Variants in CD22 observed in about 807,000 individuals in gnomAD.
CD22 encodes CD22 molecule.
Under a neutral mutation model 94.7 loss-of-function variants are expected in CD22, and 51 were observed. The ratio of observed to expected loss-of-function variants is 0.54; its 90% CI spans 0.43 to 0.68. The LOEUF (loss-of-function observed/expected upper bound fraction) is 0.68, where lower values mean the gene tolerates loss of function less well. Among genes scored for constraint, CD22 ranks in the 30% least tolerant of loss-of-function variants. CD22 has a pLI of 0.00. For synonymous variants in CD22, 424 were observed against 422.5 expected, an observed-to-expected ratio of 1.00 and a Z score of -0.04; for missense variants, 931 against 1,060.4, an observed-to-expected ratio of 0.88 and a Z score of 1.69.
chr19:35,340,336 G>A (rs2066788618), intron 6 of CD22, among the ~76,000 whole-genome samples: 2 of 152,118 alleles, frequency 1.3e-5, no homozygotes, highest in African/African-American at 4.8e-5. Context: ...AGGCTGGAGT[G>A]CAGTGGCTTG....
intron 4 of CD22, chr19:35,336,639 A>G (rs1455348058): frequency 2.4e-6 from 1 of 417,600 alleles, no homozygotes; most frequent in African/African-American, 2.0e-5. Context: ...TCATTCATTC[A>G]ATAAATACGT....
In CD22 at chr19:35,340,907, A is replaced by G; in HGVS notation, c.1276A>G (p.Ile426Val). ...QYPPKKVTTV[I>V]QNPMPIREGD... Reference sequence around the variant, plus strand: ...TCCTCCCAAGAAGGTGACCACAGTGATTCAAAACCCCATGCCGATTCGAGA... The same window carrying G: ...TCCTCCCAAGAAGGTGACCACAGTGGTTCAAAACCCCATGCCGATTCGAGA... The change falls in exon 7 of 14, where the codon ATT becomes GTT. Residue 426 changes from isoleucine (I) to valine (V), a missense_variant. Ile to Val is a conservative substitution (Grantham distance 29, BLOSUM62 3). Coordinates refer to ENST00000085219, the MANE Select transcript of CD22 (RefSeq NM_001771.4). The G allele has an allele frequency of 6.2e-7, 1 of 1,614,106 alleles. No homozygotes were observed. Among genetic ancestry groups the G allele is most frequent in the Non-Finnish European group, 8.5e-7 (1 of 1,180,018 alleles).
rs761949964 is a variant in CD22, at chr19:35,345,082, CAGG to C, written c.2167_2169del (p.Glu723del). On this transcript the variant is annotated inframe_deletion, in exon 11 of 14. Coordinates refer to ENST00000085219, the MANE Select transcript of CD22 (RefSeq NM_001771.4). Reference sequence around the variant, plus strand: ...GAGGACACAGAGCCAGCAGGGGCTTCAGGAGAATTCCAGCGGCCAGAGCTTCTT... The same window carrying C: ...GAGGACACAGAGCCAGCAGGGGCTTCAGAATTCCAGCGGCCAGAGCTTCTT... 6 of 1,613,920 alleles carry C rather than the reference CAGG, an allele frequency of 3.7e-6. No individual in the cohort carries two copies. The highest frequency in any genetic ancestry group is 1.6e-4 in the Middle Eastern group (1 of 6,084).
At chr19:35,332,977 C>G (rs2066666717) in intron 3 of CD22, 53 bp downstream of exon 3, 1 of 1,557,004 alleles carries the variant, frequency 6.4e-7, no homozygotes, top group South Asian at 1.2e-5. Context: ...GAGTGGGAGG[C>G]AGGAAATACC....
rs774846059 is a variant in CD22, at chr19:35,332,766, T to C, written c.254T>C (p.Val85Ala). 6.2e-7 allele frequency: 1 copy of C among 1,614,084 alleles called. No individual in the cohort carries two copies. Among genetic ancestry groups the C allele is most frequent in the South Asian group, 1.1e-5 (1 of 91,070 alleles). ...RLYESTKDGK[V>A]PSEQKRVQFL... ...TATGAAAGCACAAAGGATGGGAAGG[T>C]TCCTTCTGAGCAGAAAAGGGTGCAA... is the stretch of plus-strand genomic sequence containing the variant. Residue 85 changes from valine (V) to alanine (A), a missense_variant, in exon 3 of 14, where the codon GTT becomes GCT. By Grantham distance (64) the Val-to-Ala change is moderately conservative (BLOSUM62 0). Transcript: ENST00000085219.
chr19:35,334,970 C>T (rs2066698199), intron 3 of CD22, among the ~76,000 whole-genome samples: 1 of 150,410 alleles, frequency 6.6e-6, no homozygotes, highest in Non-Finnish European at 1.5e-5. Flanking sequence ...CCCAGCTACT[C>T]AGGAGGCTGA....
chr19:35,329,187 A>C lies in CD22; in HGVS notation c.-66A>C, dbSNP rs1453968965. 3.1e-6 allele frequency: 4 copies of C among 1,289,262 alleles called. No homozygotes were observed. The Admixed American group carries it at 9.2e-5, about 30-fold the overall frequency. The allele number at this position is 1,289,262 out of a possible 1,614,324, so 79.9% of individuals were successfully genotyped here. ...TTACTGTACTTCTCCTTTTGCTCTCAGATGCTGCCAGGGTCCCTGAAGAGG... is the reference window on the plus strand; with the variant it reads ...TTACTGTACTTCTCCTTTTGCTCTCCGATGCTGCCAGGGTCCCTGAAGAGG... On this transcript the variant is annotated 5_prime_UTR_variant, in exon 1 of 14. Coordinates refer to ENST00000085219, the MANE Select transcript of CD22 (RefSeq NM_001771.4).
intron 11 of CD22, 31 bp from the exon 12 acceptor site, chr19:35,345,571 G>A (rs771923621): frequency 1.4e-6 from 2 of 1,386,246 alleles, no homozygotes; most frequent in South Asian, 2.3e-5. Context: ...GGGAACAGGT[G>A]GTTAGCACTT....
chr19:35,342,605 G>A (rs768565565), intron 9 of CD22, among the ~76,000 whole-genome samples: 6 of 151,838 alleles, frequency 4.0e-5, no homozygotes, highest in African/African-American at 1.2e-4. Context: ...GCCATCTGCC[G>A]CTGTGCTGGA....
rs975276997 is a variant in CD22 at position 35,345,155 on chromosome 19, T to C, written c.2208+29T>C. ...GGATGGGGCTGGGCACGATGGCTCATGCCTGTAATCCCAGCACTTTGGGAG... is the reference window on the plus strand; with the variant it reads ...GGATGGGGCTGGGCACGATGGCTCACGCCTGTAATCCCAGCACTTTGGGAG... On this transcript the variant is annotated intron_variant, in intron 11 of 13. Coordinates refer to ENST00000085219, the MANE Select transcript of CD22 (RefSeq NM_001771.4). The C allele has an allele frequency of 3.7e-6, 6 of 1,601,858 alleles. No homozygotes were observed. In the African/African-American group the frequency reaches 4.0e-5, roughly 11 times the overall value.
Position 35,341,282 on chromosome 19 carries a change from G to C in CD22, c.1508-61G>C. 6.3e-7 allele frequency: 1 copy of C among 1,598,788 alleles called. No homozygotes were observed. Among genetic ancestry groups the C allele is most frequent in the Non-Finnish European group, 8.5e-7 (1 of 1,170,728 alleles). On this transcript the variant is annotated intron_variant, in intron 7 of 13. Coordinates refer to ENST00000085219, the MANE Select transcript of CD22 (RefSeq NM_001771.4). This position sits in a 1 kb window ranked among gnomAD's most constrained non-coding sequence, Gnocchi z 4.0. ...GGCGTCAGGGCCAAGGGGAGGGGAG[G>C]CCTGGGGACAGCAAAAGGGACAGGG...
Position 35,341,505 on chromosome 19 carries a change from A to G in CD22, c.1670A>G (p.Asn557Ser). 6.2e-7 allele frequency: 1 copy of G among 1,614,150 alleles called. No individual in the cohort carries two copies. Among genetic ancestry groups the G allele is most frequent in the Non-Finnish European group, 8.5e-7 (1 of 1,180,016 alleles). The change falls in exon 8 of 14, where the codon AAT becomes AGT. Residue 557 changes from asparagine (N) to serine (S), a missense_variant. Coordinates refer to ENST00000085219, the MANE Select transcript of CD22 (RefSeq NM_001771.4). The surrounding 1 kb of genome is among the most constrained non-coding windows in gnomAD (Gnocchi z 4.0). ...GRLLGKESQL[N>S]FDSISPEDAG... The stretch of plus-strand genomic sequence containing the variant: ...CTTCTGGGGAAAGAAAGCCAGCTGA[A>G]TTTTGACTCCATCTCCCCAGAAGAT...
At chr19:35,340,433 C>T (rs746039496) in intron 6 of CD22, among the ~76,000 whole-genome samples, 1 of 152,176 alleles carries the variant, frequency 6.6e-6, no homozygotes, top group Non-Finnish European at 1.5e-5. Flanking sequence ...CAGACATGCA[C>T]CAGCATGCAT....
chr19:35,341,202 C>T lies in CD22; in HGVS notation c.1507+64C>T. 3 of 1,607,652 alleles carry T rather than the reference C, an allele frequency of 1.9e-6. No individual in the cohort carries two copies. Among genetic ancestry groups the T allele is most frequent in the Non-Finnish European group, 2.6e-6 (3 of 1,175,370 alleles). ...CCCGGCTGGGATGAGGGGATGAAGG[C>T]AACGAGGCCGGAGCCTGGGCCAGTG... On this transcript the variant is annotated intron_variant, in intron 7 of 13. Coordinates refer to ENST00000085219, the MANE Select transcript of CD22 (RefSeq NM_001771.4). This position sits in a 1 kb window ranked among gnomAD's most constrained non-coding sequence, Gnocchi z 4.0.
rs758394183 is a variant in CD22 at position 35,341,145 on chromosome 19, C to T, written c.1507+7C>T. On this transcript the variant is annotated splice_region_variant and intron_variant, in intron 7 of 13. Transcript: ENST00000085219. This position sits in a 1 kb window ranked among gnomAD's most constrained non-coding sequence, Gnocchi z 4.0. ...GTCGCCCTGAATGTCCAGTGTGAGTCCCTGGGCTAGGCAGGGGGATCTGGG... is the reference window on the plus strand; with the variant it reads ...GTCGCCCTGAATGTCCAGTGTGAGTTCCTGGGCTAGGCAGGGGGATCTGGG... 6.2e-6 allele frequency: 10 copies of T among 1,613,848 alleles called. No individual in the cohort carries two copies. In the East Asian group the frequency reaches 1.1e-4, roughly 18 times the overall value.
Position 35,346,781 on chromosome 19 carries a change from T to C in CD22, c.*84T>C. The stretch of plus-strand genomic sequence containing the variant: ...TTTCCCCAGACACCGCCACATGGCT[T>C]CCTCCTGCGCGCATGTGCGCACACA... On this transcript the variant is annotated 3_prime_UTR_variant, in exon 14 of 14. Transcript: ENST00000085219. 2 of 1,330,632 alleles carry C rather than the reference T, an allele frequency of 1.5e-6. No individual in the cohort carries two copies. Among genetic ancestry groups the C allele is most frequent in the Non-Finnish European group, 2.1e-6 (2 of 972,464 alleles). 82.4% of individuals were successfully genotyped at this position (1,330,632 alleles called of 1,614,324 possible).
At chr19:35,336,417 C>A in intron 4 of CD22, 76 bp downstream of exon 4, 1 of 1,441,568 alleles carries the variant, frequency 6.9e-7, no homozygotes, top group Non-Finnish European at 9.5e-7. Flanking sequence ...GGGGCATGCA[C>A]CCAGGGCAGG....
rs748531428 is a variant in CD22, at chr19:35,346,674, G to C, written c.2521G>C (p.Asp841His). 1 of 1,610,404 alleles carries C rather than the reference G, an allele frequency of 6.2e-7. No homozygotes were observed. Among genetic ancestry groups the C allele is most frequent in the South Asian group, 1.1e-5 (1 of 90,244 alleles). ...GERPQAQENV[D>H]YVILKH ...GCGGCCTCAGGCACAAGAAAATGTG[G>C]ACTATGTGATCCTCAAACATTGACA... The change falls in exon 14 of 14, where the codon GAC becomes CAC. Residue 841 changes from aspartate (D) to histidine (H), a missense_variant. Coordinates refer to ENST00000085219, the MANE Select transcript of CD22 (RefSeq NM_001771.4).
rs1258915625 is a variant in CD22 at position 35,344,206 on chromosome 19, TCA to T, written c.2036-622_2036-621del. Among the ~76,000 whole-genome samples the T allele has an allele frequency of 4.6e-5, 7 of 152,212 alleles. No homozygotes were observed. The East Asian group carries it at 1.4e-3, about 29-fold the overall frequency. On this transcript the variant is annotated intron_variant, in intron 9 of 13. Coordinates refer to ENST00000085219, the MANE Select transcript of CD22 (RefSeq NM_001771.4). Reference sequence around the variant, plus strand: ...GCGAGACTCTGTCTCAATCAATCAATCAGTCAATCTAGGGAACCATCACCAGC... The same window carrying T: ...GCGAGACTCTGTCTCAATCAATCAATGTCAATCTAGGGAACCATCACCAGC...
Sources: allele counts gnomAD v4.1 joint callset (sites outside exome capture counted in the v4.1 genomes callset), GRCh38; gene constraint gnomAD v4.1.1; non-coding constraint Gnocchi (gnomAD v3.1); transcripts MANE v1.5; gene names NCBI Gene and HGNC (gene_info 2026-07-23, HGNC 2026-07-21).